The following FGD4 variants were observed in gnomAD, a reference collection of about 807,000 sequenced individuals.
FGD4 encodes FYVE, RhoGEF and PH domain containing 4.
FGD4 carries 42 observed loss-of-function variants against 102.0 expected under a neutral mutation model. That is an observed-to-expected ratio of 0.41 (90% CI 0.32 to 0.53). The LOEUF is 0.53. Ranked by LOEUF, FGD4 falls within the 20% of genes least tolerant of loss-of-function variation. The pLI, the probability that FGD4 is intolerant of heterozygous loss-of-function variation, is 0.21. For synonymous variants in FGD4, 380 were observed against 375.7 expected, an observed-to-expected ratio of 1.01 and a Z score of -0.13; for missense variants, 902 against 1,078.2, an observed-to-expected ratio of 0.84 and a Z score of 2.29.
intron 4 of FGD4, chr12:32,582,808 T>TA (rs2136439304): frequency 3.7e-6 from 1 of 268,396 alleles, no homozygotes; most frequent in Admixed American, 4.9e-5. Context: ...CCCTAATACT[T>TA]ACGGGCCAAG....
At chr12:32,570,170 G>A (rs1020990557) in intron 2 of FGD4, among the ~76,000 whole-genome samples, 1 of 150,780 alleles carries the variant, frequency 6.6e-6, no homozygotes, top group African/African-American at 2.4e-5. Context: ...GAACCCAGGA[G>A]GTGGAGGTTG....
chr12:32,467,367 A>G (rs561459919), intron 1 of FGD4, among the ~76,000 whole-genome samples: 10 of 152,332 alleles, frequency 6.6e-5, no homozygotes, highest in African/African-American at 1.9e-4. Flanking sequence ...CCCTGGCTCT[A>G]CTACCCAACC....
intron 1 of FGD4, among the ~76,000 whole-genome samples, chr12:32,551,615 G>A (rs1592189059): frequency 6.6e-6 from 1 of 152,130 alleles, no homozygotes; most frequent in East Asian, 1.9e-4. Context: ...TGTATTTAGT[G>A]CTTAACGATA....
intron 1 of FGD4, among the ~76,000 whole-genome samples, chr12:32,475,690 T>G (rs1943567112): frequency 6.6e-6 from 1 of 152,202 alleles, no homozygotes; most frequent in African/African-American, 2.4e-5. Context: ...ATACGAAGTT[T>G]TAGAACCACT....
chr12:32,525,270 C>A (rs1941024027), intron 1 of FGD4, among the ~76,000 whole-genome samples: 1 of 152,108 alleles, frequency 6.6e-6, no homozygotes, highest in Admixed American at 6.6e-5. Flanking sequence ...GTAAAGTGCC[C>A]CAGCCTCATA....
Position 32,519,200 on chromosome 12 carries a change from A to G in FGD4, c.167-44937A>G, listed in dbSNP as rs114177751. ...TTTGCTAACCTTTCATGTGAAGACA[A>G]GTGTCTGTCAGTAAATATTTAGCAG... is the stretch of plus-strand genomic sequence containing the variant. On this transcript the variant is annotated intron_variant, in intron 1 of 16. Transcript: ENST00000534526. Among the ~76,000 whole-genome samples the G allele has an allele frequency of 1.0e-2, 1,517 of 151,962 alleles. 20 individuals carry two copies. Among genetic ancestry groups the G allele is most frequent in the African/African-American group, 0.034 (1,412 of 41,422 alleles).
At chr12:32,590,772 A>G (rs1947409901) in intron 4 of FGD4, among the ~76,000 whole-genome samples, 1 of 152,258 alleles carries the variant, frequency 6.6e-6, no homozygotes, top group Non-Finnish European at 1.5e-5. Flanking sequence ...TAGTGCACGT[A>G]GTAAGTATTC....
At chr12:32,492,413 C>G (rs1483656331) in intron 1 of FGD4, among the ~76,000 whole-genome samples, 1 of 152,152 alleles carries the variant, frequency 6.6e-6, no homozygotes, top group African/African-American at 2.4e-5. Context: ...AACCCTGATT[C>G]TGATATGTGT....
At chr12:32,573,165 G>T (rs1945818253) in intron 2 of FGD4, among the ~76,000 whole-genome samples, 1 of 152,008 alleles carries the variant, frequency 6.6e-6, no homozygotes, top group South Asian at 2.1e-4. Context: ...GCGCGATCTC[G>T]GCTCACTGGA....
chr12:32,552,434 ATT>A (rs66646521), intron 1 of FGD4, among the ~76,000 whole-genome samples: 6,071 of 120,340 alleles, frequency 0.05, 97 homozygotes, highest in South Asian at 0.12. Flanking sequence ...TAATTTTTGC[ATT>A]TTTTTTTTTT....
intron 2 of FGD4, among the ~76,000 whole-genome samples, chr12:32,573,090 A>C (rs1337795997): frequency 6.6e-6 from 1 of 152,048 alleles, no homozygotes; most frequent in Non-Finnish European, 1.5e-5. Flanking sequence ...CCTGGTTTTT[A>C]ACTGGAATTG....
intron 1 of FGD4, among the ~76,000 whole-genome samples, chr12:32,401,351 C>T (rs1357174816): frequency 5.3e-5 from 8 of 152,092 alleles, no homozygotes; most frequent in Admixed American, 5.2e-4. Flanking sequence ...CCTCTGCCTC[C>T]CGGGTTCAAG....
intron 7 of FGD4, among the ~76,000 whole-genome samples, chr12:32,605,434 A>G (rs1948716960): frequency 6.6e-6 from 1 of 152,104 alleles, no homozygotes; most frequent in South Asian, 2.1e-4. Context: ...AAATGTAGGC[A>G]GAGCACAAAG....
chr12:32,583,935 A>G (rs1289707720), intron 4 of FGD4, among the ~76,000 whole-genome samples: 2 of 152,274 alleles, frequency 1.3e-5, no homozygotes, highest in Non-Finnish European at 2.9e-5. Context: ...CAACAAGTAT[A>G]TATAAAATAG....
In FGD4 at chr12:32,544,607, C is replaced by A. The variant is rs766397550; in HGVS notation, c.167-19530C>A. The stretch of plus-strand genomic sequence containing the variant: ...AATGAGCCGGGCGTGGTGGCTCACA[C>A]CTGTGGTTCCAGCTACTCAGGAGGC... On this transcript the variant is annotated intron_variant, in intron 1 of 16. Coordinates refer to ENST00000534526, the MANE Select transcript of FGD4 (RefSeq NM_001370298.3). The surrounding 1 kb of genome is among the most constrained non-coding windows in gnomAD (Gnocchi z 4.1). Among the ~76,000 whole-genome samples, 1 of 152,136 alleles carries A rather than the reference C, an allele frequency of 6.6e-6. No individual in the cohort carries two copies. Among genetic ancestry groups the A allele is most frequent in the Admixed American group, 6.6e-5 (1 of 15,264 alleles).
chr12:32,563,096 C>T (rs1283394380), intron 1 of FGD4, among the ~76,000 whole-genome samples: 1 of 145,080 alleles, frequency 6.9e-6, no homozygotes. Flanking sequence ...GGGGGGCTGA[C>T]CCCCCCCACC....
chr12:32,553,261 C>G (rs902348538), intron 1 of FGD4, among the ~76,000 whole-genome samples: 1 of 152,068 alleles, frequency 6.6e-6, no homozygotes, highest in Non-Finnish European at 1.5e-5. Flanking sequence ...CTTATCAGCT[C>G]CTATTCAAAA....
chr12:32,458,408 A>C (rs1943006125), intron 1 of FGD4, among the ~76,000 whole-genome samples: 2 of 152,032 alleles, frequency 1.3e-5, no homozygotes, highest in Admixed American at 1.3e-4. Flanking sequence ...AACTGGGCTG[A>C]AGTGATCCTC....
chr12:32,633,814 G>A (rs1188960882), intron 15 of FGD4, 125 bp downstream of exon 15: 1 of 881,300 alleles, frequency 1.1e-6, no homozygotes, highest in Non-Finnish European at 1.7e-6. Flanking sequence ...CTCCCAAGTT[G>A]CTGGAATTAC....
Sources: gnomAD v4.1 joint callset for allele counts (sites outside exome capture counted in the v4.1 genomes callset) on GRCh38, gnomAD v4.1.1 for gene constraint, Gnocchi (gnomAD v3.1) non-coding constraint, MANE v1.5 for transcripts, NCBI Gene and HGNC (gene_info 2026-07-23, HGNC 2026-07-21) for gene names.